Variants in RNLS observed in about 807,000 individuals in gnomAD.
RNLS encodes the protein renalase, FAD dependent amine oxidase.
In RNLS, 39 loss-of-function variants were observed where a neutral mutation model predicts 39.8. That is an observed-to-expected ratio of 0.98 (90% confidence interval 0.76 to 1.28). The LOEUF (loss-of-function observed/expected upper bound fraction) is 1.28. Among genes scored for constraint, RNLS ranks in the 50% most tolerant of loss-of-function variants. The pLI is 0.00. For synonymous variants in RNLS, 147 were observed against 150.7 expected (o/e 0.98, Z 0.18); for missense variants, 410 against 413.3 (o/e 0.99, Z 0.07).
intron 6 of RNLS, among the ~76,000 whole-genome samples, chr10:88,295,598 T>A (rs1490009921): frequency 6.6e-6 from 1 of 152,178 alleles, no homozygotes; most frequent in East Asian, 1.9e-4. Flanking sequence ...AGAGCTGCTG[T>A]GAAATTACTA....
At chr10:88,385,121 C>T (rs1032299992) in intron 4 of RNLS, among the ~76,000 whole-genome samples, 9 of 152,206 alleles carry the variant, frequency 5.9e-5, no homozygotes, top group Non-Finnish European at 1.2e-4. Flanking sequence ...TCAGCAAATG[C>T]TAGCTCATTT....
the RNLS span, among the ~76,000 whole-genome samples, chr10:88,215,424 C>T: frequency 2.6e-5 from 4 of 152,056 alleles, no homozygotes; most frequent in Admixed American, 1.3e-4. Flanking sequence ...TTTCAAAGTT[C>T]CTGGTTTGTG....
chr10:88,349,166 T>C (rs1179215386), intron 5 of RNLS, among the ~76,000 whole-genome samples: 2 of 152,172 alleles, frequency 1.3e-5, no homozygotes, highest in African/African-American at 4.8e-5. Flanking sequence ...AGTTCAATTG[T>C]GCTGAAAGAC....
intron 4 of RNLS, among the ~76,000 whole-genome samples, chr10:88,430,069 C>T (rs1855045092): frequency 6.6e-6 from 1 of 151,668 alleles, no homozygotes; most frequent in Non-Finnish European, 1.5e-5. Context: ...TTGATTGGGA[C>T]TGCATTAAAT....
chr10:88,378,085 G>A lies in RNLS; in HGVS notation c.527-15360C>T, dbSNP rs149652870. The stretch of plus-strand genomic sequence containing the variant: ...CAATATCACTGTCTTCCACCTCCCC[G>A]TACTGTCCCACTAGAAGGTCTTCAA... On this transcript the variant is annotated intron_variant, in intron 4 of 6. Coordinates refer to ENST00000331772, the MANE Select transcript of RNLS (RefSeq NM_001031709.3). 7.1e-4 allele frequency among the ~76,000 whole-genome samples: 108 copies of A among 151,602 alleles called. 1 individual carries two copies. Among genetic ancestry groups the A allele is most frequent in the Admixed American group, 1.2e-3 (18 of 15,218 alleles).
At chr10:88,421,755 A>G (rs1390287246) in intron 4 of RNLS, among the ~76,000 whole-genome samples, 2 of 152,192 alleles carry the variant, frequency 1.3e-5, no homozygotes, top group African/African-American at 4.8e-5. Flanking sequence ...AAGGTTCCAT[A>G]TAACCTAGAT....
intron 4 of RNLS, among the ~76,000 whole-genome samples, chr10:88,526,182 A>G (rs1036277095): frequency 6.6e-6 from 1 of 151,838 alleles, no homozygotes; most frequent in Non-Finnish European, 1.5e-5. Flanking sequence ...AAAAAGATCA[A>G]AAGAGTCAGA....
the RNLS span, among the ~76,000 whole-genome samples, chr10:88,265,323 CTTTTTTTT>C: frequency 9.3e-4 from 55 of 59,076 alleles, no homozygotes; most frequent in Admixed American, 3.1e-3. Context: ...CAGGGTTTTT[CTTTTTTTT>C]TTTTTTTTTT....
chr10:88,473,722 A>G (rs1168029880), intron 4 of RNLS, among the ~76,000 whole-genome samples: 2 of 152,170 alleles, frequency 1.3e-5, no homozygotes, highest in Admixed American at 6.6e-5. Flanking sequence ...TAGACCTTAG[A>G]ATGTTTATAA....
chr10:88,326,941 T>C (rs753701094), intron 5 of RNLS, among the ~76,000 whole-genome samples: 4 of 152,292 alleles, frequency 2.6e-5, no homozygotes, highest in East Asian at 3.9e-4. Flanking sequence ...AGCTTTAAGA[T>C]TGAATAGCTG....
Position 88,330,617 on chromosome 10 carries a change from A to G in RNLS, c.701-15976T>C, listed in dbSNP as rs114494615. Reference sequence around the variant, plus strand: ...AATGGAAAAAAGATGTATAATTATTAGAAAGAAGGAAAACATGGTTGAAAA... The same window carrying G: ...AATGGAAAAAAGATGTATAATTATTGGAAAGAAGGAAAACATGGTTGAAAA... On this transcript the variant is annotated intron_variant, in intron 5 of 6. Coordinates refer to ENST00000331772, the MANE Select transcript of RNLS (RefSeq NM_001031709.3). Among the ~76,000 whole-genome samples, 913 of 152,304 alleles carry G rather than the reference A, an allele frequency of 6.0e-3. 11 individuals are homozygous for G. The highest frequency in any genetic ancestry group is 0.021 in the African/African-American group (878 of 41,576).
the RNLS span, among the ~76,000 whole-genome samples, chr10:88,172,843 T>TTTTTTTGA: frequency 3.0e-4 from 9 of 29,724 alleles, no homozygotes; most frequent in Non-Finnish European, 1.2e-4. Flanking sequence ...TTTTGAGTTG[T>TTTTTTTGA]TTTTTTTTTT....
downstream of RNLS, among the ~76,000 whole-genome samples, chr10:88,270,070 C>G (rs2132571176): frequency 6.6e-6 from 1 of 152,226 alleles, no homozygotes; most frequent in African/African-American, 2.4e-5. Flanking sequence ...CTGACAAAGC[C>G]CTGAGAAGAA....
chr10:88,319,828 G>A (rs1846043851), intron 5 of RNLS, among the ~76,000 whole-genome samples: 1 of 152,078 alleles, frequency 6.6e-6, no homozygotes, highest in African/African-American at 2.4e-5. Flanking sequence ...ATTCCTGAGA[G>A]AGAAGAAGAA....
rs573997941 is a variant in RNLS at position 88,397,872 on chromosome 10, G to A, written c.527-35147C>T. Among the ~76,000 whole-genome samples the A allele has an allele frequency of 3.6e-4, 54 of 152,024 alleles. 1 individual carries two copies. Among genetic ancestry groups the A allele is most frequent in the African/African-American group, 1.2e-3 (48 of 41,520 alleles). ...ACAGAAATCAAGACAGTGTGGTACT[G>A]GCCATAAGGTAGACATCTAGATCAA... is the stretch of plus-strand genomic sequence containing the variant. On this transcript the variant is annotated intron_variant, in intron 4 of 6. Transcript: ENST00000331772.
intron 3 of RNLS, among the ~76,000 whole-genome samples, chr10:88,574,745 T>A (rs1850058230): frequency 6.6e-6 from 1 of 152,194 alleles, no homozygotes; most frequent in Admixed American, 6.5e-5. Flanking sequence ...AGCAAGGGGC[T>A]TGTAAACAGT....
At chr10:88,413,007 T>C (rs528750374) in intron 4 of RNLS, among the ~76,000 whole-genome samples, 58 of 152,298 alleles carry the variant, frequency 3.8e-4, no homozygotes, top group African/African-American at 1.3e-3. Context: ...ATCCATTCAC[T>C]ACTGTGTTTA....
At chr10:88,229,518 A>G in the RNLS span, among the ~76,000 whole-genome samples, 1 of 152,218 alleles carries the variant, frequency 6.6e-6, no homozygotes, top group Non-Finnish European at 1.5e-5. Context: ...ATTGAGATAC[A>G]GTTTACATAT....
the RNLS span, among the ~76,000 whole-genome samples, chr10:88,258,944 G>A: frequency 2.0e-5 from 3 of 152,186 alleles, no homozygotes; most frequent in East Asian, 5.8e-4. Flanking sequence ...TTACTGGCGA[G>A]CTCAAATCCC....
Sources: gnomAD v4.1 joint callset for allele counts (sites outside exome capture counted in the v4.1 genomes callset) on GRCh38, gnomAD v4.1.1 for gene constraint, MANE v1.5 for transcripts, NCBI Gene and HGNC (gene_info 2026-07-23, HGNC 2026-07-21) for gene names.